The following SH3RF2 variants were observed in gnomAD, a reference collection of about 807,000 sequenced individuals.
SH3RF2 encodes the protein SH3 domain containing ring finger 2, also known as E3 ubiquitin-protein ligase SH3RF2.
A neutral mutation model predicts 59.0 loss-of-function variants in SH3RF2; 43 were observed. The ratio of observed to expected loss-of-function variants is 0.73; its 90% confidence interval spans 0.57 to 0.94. SH3RF2 has a LOEUF of 0.94. Among genes scored for constraint, SH3RF2 ranks in the 40% least tolerant of loss-of-function variants. The pLI is 0.00. For synonymous variants in SH3RF2, 391 were observed against 391.5 expected (o/e 1.00, Z 0.01); for missense variants, 930 against 940.1 (o/e 0.99, Z 0.14).
chr5:145,974,745 C>T (rs890286624), intron 2 of SH3RF2, among the ~76,000 whole-genome samples: 4 of 152,060 alleles, frequency 2.6e-5, no homozygotes, highest in African/African-American at 9.7e-5. Context: ...CTCTATAGCC[C>T]AAGCTTTACC....
intron 4 of SH3RF2, 42 bp downstream of exon 4, chr5:146,004,195 G>A (rs1760540041): frequency 1.3e-6 from 2 of 1,520,418 alleles, no homozygotes; most frequent in Non-Finnish European, 1.8e-6. Flanking sequence ...CGCATACACA[G>A]AAATATTCAT....
intron 2 of SH3RF2, among the ~76,000 whole-genome samples, chr5:145,980,210 C>T (rs1759456739): frequency 2.0e-5 from 3 of 152,140 alleles, no homozygotes; most frequent in Non-Finnish European, 4.4e-5. Context: ...TAACAAACGA[C>T]AAGAGTTGAA....
Position 146,055,048 on chromosome 5 carries a change from T to C in SH3RF2, c.1323-933T>C, listed in dbSNP as rs77234083. On this transcript the variant is annotated intron_variant, in intron 7 of 9. Transcript: ENST00000359120. The stretch of plus-strand genomic sequence containing the variant: ...TCAGGGAGCTGCAGTCTGGAAACAG[T>C]GGATAAGGGATTGTTGTTTCATAAA... Among the ~76,000 whole-genome samples, 374 of 152,284 alleles carry C rather than the reference T, an allele frequency of 2.5e-3. 2 individuals carry two copies. The highest frequency in any genetic ancestry group is 0.024 in the East Asian group (123 of 5,184).
At chr5:146,000,456 T>G (rs1162273844) in intron 3 of SH3RF2, 129 bp downstream of exon 3, 6 of 716,786 alleles carry the variant, frequency 8.4e-6, no homozygotes, top group African/African-American at 1.9e-5. Context: ...TTGTTAATAT[T>G]TTATTCATAA....
intron 2 of SH3RF2, 128 bp from the exon 3 acceptor site, chr5:145,999,930 G>C (rs1760329793): frequency 9.0e-7 from 1 of 1,107,840 alleles, no homozygotes; most frequent in Non-Finnish European, 1.3e-6. Context: ...ATAAACCTTT[G>C]ATTTGTAAAA....
chr5:145,992,651 A>C (rs1414354106), intron 2 of SH3RF2, among the ~76,000 whole-genome samples: 1 of 152,108 alleles, frequency 6.6e-6, no homozygotes, highest in Admixed American at 6.5e-5. Context: ...AGGGAGAGAG[A>C]GCTTGTGCAG....
intron 9 of SH3RF2, among the ~76,000 whole-genome samples, chr5:146,071,574 T>A (rs1763242601): frequency 6.6e-6 from 1 of 152,180 alleles, no homozygotes; most frequent in South Asian, 2.1e-4. Context: ...TATGGGGGCC[T>A]CCAACAGAGA....
At chr5:146,053,722 ATTAGCCAG>A (rs1465876617) in intron 7 of SH3RF2, among the ~76,000 whole-genome samples, 1 of 152,104 alleles carries the variant, frequency 6.6e-6, no homozygotes. Flanking sequence ...CTTCTGCCCA[ATTAGCCAG>A]GATCTTCCTC....
intron 5 of SH3RF2, among the ~76,000 whole-genome samples, chr5:146,027,022 G>T (rs1437874580): frequency 2.0e-5 from 3 of 152,178 alleles, no homozygotes; most frequent in Non-Finnish European, 4.4e-5. Context: ...CCCAGGGCCA[G>T]CCTATACAAA....
chr5:145,986,904 T>C (rs916750534), intron 2 of SH3RF2, among the ~76,000 whole-genome samples: 5 of 152,210 alleles, frequency 3.3e-5, no homozygotes, highest in Admixed American at 6.5e-5. Context: ...TCCTTCCCTT[T>C]TCCCTGCTGC....
At chr5:146,070,722 T>G (rs1454764073) in intron 9 of SH3RF2, among the ~76,000 whole-genome samples, 1 of 152,198 alleles carries the variant, frequency 6.6e-6, no homozygotes, top group African/African-American at 2.4e-5. Flanking sequence ...GCTGACATCT[T>G]CTTCCAGTGT....
At chr5:146,060,914 A>T (rs1325368600) in intron 9 of SH3RF2, among the ~76,000 whole-genome samples, 1 of 152,198 alleles carries the variant, frequency 6.6e-6, no homozygotes, top group Admixed American at 6.5e-5. Context: ...TTGAAGCAGG[A>T]GGAATAGTGG....
intron 5 of SH3RF2, among the ~76,000 whole-genome samples, chr5:146,037,107 A>G (rs992911449): frequency 5.9e-5 from 9 of 152,194 alleles, no homozygotes; most frequent in Non-Finnish European, 1.3e-4. Flanking sequence ...CCTATGTCAT[A>G]ATAGTGACAA....
At chr5:146,058,194 G>A (rs1157821896) in intron 8 of SH3RF2, among the ~76,000 whole-genome samples, 2 of 152,002 alleles carry the variant, frequency 1.3e-5, no homozygotes, top group Non-Finnish European at 2.9e-5. Flanking sequence ...TTGGAAATTA[G>A]GAATTGACAA....
At chr5:145,998,047 C>A in intron 2 of SH3RF2, 2 of 602,016 alleles carry the variant, frequency 3.3e-6, no homozygotes, top group South Asian at 2.2e-5. Flanking sequence ...TAGAAAACTA[C>A]AAGATGTATG....
At chr5:145,949,967 C>T (rs1186796411) in intron 2 of SH3RF2, among the ~76,000 whole-genome samples, 7 of 152,118 alleles carry the variant, frequency 4.6e-5, no homozygotes, top group Admixed American at 4.6e-4. Flanking sequence ...CAGTTGCTAT[C>T]CCAAAGCCTG....
intron 8 of SH3RF2, among the ~76,000 whole-genome samples, chr5:146,057,811 C>T (rs1762721385): frequency 6.6e-6 from 1 of 152,104 alleles, no homozygotes; most frequent in Non-Finnish European, 1.5e-5. Context: ...AGTATGGTGG[C>T]ACTTGCCTGT....
intron 9 of SH3RF2, among the ~76,000 whole-genome samples, chr5:146,068,418 C>T (rs1259924296): frequency 2.0e-5 from 3 of 152,158 alleles, no homozygotes; most frequent in Non-Finnish European, 2.9e-5. Context: ...CAGCAGCTGC[C>T]GCCACTGATG....
downstream of SH3RF2, among the ~76,000 whole-genome samples, chr5:146,066,670 G>GT (rs1763113517): frequency 1.3e-5 from 2 of 152,150 alleles, no homozygotes; most frequent in Admixed American, 1.3e-4. Context: ...GTGGGAAAAA[G>GT]GGTATTTCAA....
Sources: gnomAD v4.1 joint callset for allele counts (sites outside exome capture counted in the v4.1 genomes callset) on GRCh38, gnomAD v4.1.1 for gene constraint, MANE v1.5 for transcripts, NCBI Gene and HGNC (gene_info 2026-07-23, HGNC 2026-07-21) for gene names.